The following ABCA13 variants were observed in gnomAD, a reference collection of about 807,000 sequenced individuals.
ABCA13 encodes the protein ATP binding cassette subfamily A member 13, also known as ATP-binding cassette sub-family A member 13.
ABCA13 carries 476 observed loss-of-function variants against 478.7 expected under a neutral mutation model. The ratio of observed to expected loss-of-function variants is 0.99; its 90% confidence interval spans 0.92 to 1.07. ABCA13 has a LOEUF of 1.07. ABCA13 is among the 50% of genes least tolerant of loss of function. The probability of loss-of-function intolerance (pLI) is 0.00; values close to 1 mark genes in which losing one functional copy is unlikely to be tolerated. For synonymous variants in ABCA13, 2,252 were observed against 2,158.9 expected, an observed-to-expected ratio of 1.04 and a Z score of -1.20; for missense variants, 6,060 against 5,910.6, an observed-to-expected ratio of 1.03 and a Z score of -0.83.
chr7:48,227,371 A>T lies in ABCA13; in HGVS notation c.578A>T (p.Asp193Val), dbSNP rs377093766. ...CTGCCGAGACTACACACAAGCCATG[A>T]TCATGTGGAAGATGGCATGGATGTT... is the stretch of plus-strand genomic sequence containing the variant. ...LLLPRLHTSH[D>V]HVEDGMDVAV... The change falls in exon 6 of 62, where the codon GAT (aspartate) becomes GTT (valine). Residue 193 changes from aspartate (D) to valine (V), a missense_variant. Physicochemically the swap from Asp to Val is radical, Grantham distance 152. This residue lies in a region of ABCA13 where 4,423 missense variants were observed against 4,309.1 expected (regional missense o/e 1.03). Transcript: ENST00000435803. 1 of 1,614,042 alleles carries T rather than the reference A, an allele frequency of 6.2e-7. No individual in the cohort carries two copies. Among genetic ancestry groups the T allele is most frequent in the East Asian group, 2.2e-5 (1 of 44,882 alleles).
intron 52 of ABCA13, among the ~76,000 whole-genome samples, chr7:48,518,358 G>C (rs1308214160): frequency 6.6e-6 from 1 of 152,182 alleles, no homozygotes; most frequent in Non-Finnish European, 1.5e-5. Context: ...CTTCCCTGGG[G>C]AGTGGAGTCA....
rs370823905 is a variant in ABCA13, at chr7:48,221,297, C to T, written c.456C>T (p.Ser152=). The T allele has an allele frequency of 1.5e-4, 176 of 1,167,400 alleles. No individual in the cohort carries two copies. In the African/African-American group the frequency reaches 2.4e-3, roughly 16 times the overall value. The allele number at this position is 1,167,400 out of a possible 1,614,324, so 72.3% of individuals were successfully genotyped here. ...TTATTATAGATTCTTCTTATGGTTC[C>T]AGTTTTTTTACAGTAAGTATCTTAA... ...RSNTPDSSYG[S]SFFTMDLNKT... Residue 152 remains serine (S), a synonymous_variant, in exon 5 of 62, where the codon TCC becomes TCT. Coordinates refer to ENST00000435803, the MANE Select transcript of ABCA13 (RefSeq NM_152701.5).
chr7:48,560,206 A>G (rs1017394484), intron 55 of ABCA13, among the ~76,000 whole-genome samples: 1 of 152,146 alleles, frequency 6.6e-6, no homozygotes, highest in African/African-American at 2.4e-5. Flanking sequence ...GCTGGGATGG[A>G]TGACTCCCCT....
Position 48,276,327 on chromosome 7 carries a change from C to G in ABCA13, c.6661C>G (p.Gln2221Glu), listed in dbSNP as rs941460564. The change falls in exon 17 of 62, where the codon CAG (glutamine) becomes GAG (glutamate). Residue 2221 changes from glutamine (Q) to glutamate (E), a missense_variant. Gln to Glu is a conservative substitution (Grantham distance 29). Transcript: ENST00000435803. ...GATCAATAACTTAGCTGGGAATTCT[C>G]AGGAAGCAGCTTGGAACTTAAATGA... ...NLINNLAGNS[Q>E]EAAWNLNDTD... The G allele has an allele frequency of 2.1e-5, 33 of 1,556,304 alleles. 1 individual carries two copies. The Admixed American group carries it at 5.1e-4, about 24-fold the overall frequency.
chr7:48,306,865 A>G (rs1402165525), intron 23 of ABCA13, among the ~76,000 whole-genome samples: 1 of 152,244 alleles, frequency 6.6e-6, no homozygotes, highest in Non-Finnish European at 1.5e-5. Context: ...TTTAGATGAC[A>G]TTAACAGTTA....
chr7:48,233,349 T>C lies in ABCA13; in HGVS notation c.764-669T>C, dbSNP rs1291752649. On this transcript the variant is annotated intron_variant, in intron 7 of 61. Coordinates refer to ENST00000435803, the MANE Select transcript of ABCA13 (RefSeq NM_152701.5). Reference sequence around the variant, plus strand: ...CAAGATTCAAACACACCAAGAAATTTATGTGTTTTTATGTTTGCAGTTGCT... The same window carrying C: ...CAAGATTCAAACACACCAAGAAATTCATGTGTTTTTATGTTTGCAGTTGCT... Among the ~76,000 whole-genome samples, 5 of 152,280 alleles carry C rather than the reference T, an allele frequency of 3.3e-5. No individual in the cohort carries two copies. The East Asian group carries it at 9.6e-4, about 29-fold the overall frequency.
rs201410529 is a variant in ABCA13 at position 48,279,123 on chromosome 7, A to G, written c.7929A>G (p.Thr2643=). The G allele has an allele frequency of 4.3e-4, 690 of 1,609,756 alleles. No individual in the cohort carries two copies. Among genetic ancestry groups the G allele is most frequent in the Non-Finnish European group, 4.8e-4 (567 of 1,178,350 alleles). ...TGGAAGAAATTGCTGAATTTTTAAC[A>G]TCTGTGAAAATGAACTTGGAAGATA... ...DILEEIAEFL[T]SVKMNLEDMR... is the part of the protein sequence containing the mutation. The change falls in exon 18 of 62, where the codon ACA becomes ACG. Residue 2643 remains threonine, a synonymous_variant. Transcript: ENST00000435803.
chr7:48,305,675 G>T (rs1554429868), intron 23 of ABCA13, among the ~76,000 whole-genome samples: 1 of 152,162 alleles, frequency 6.6e-6, no homozygotes, highest in African/African-American at 2.4e-5. Context: ...CTCTGAATGC[G>T]ATTCGGGTTT....
intron 44 of ABCA13, among the ~76,000 whole-genome samples, chr7:48,469,851 C>T (rs1270612570): frequency 2.0e-5 from 3 of 150,852 alleles, no homozygotes; most frequent in Admixed American, 6.6e-5. Flanking sequence ...GCCCAGGAGG[C>T]GGAGGTTGTA....
chr7:48,453,008 T>G (rs1333751091), intron 42 of ABCA13, among the ~76,000 whole-genome samples: 9 of 152,218 alleles, frequency 5.9e-5, no homozygotes, highest in Non-Finnish European at 1.3e-4. Context: ...TGTGTATATA[T>G]ATAGATAGAT....
intron 27 of ABCA13, among the ~76,000 whole-genome samples, chr7:48,318,325 T>G (rs959214620): frequency 6.6e-6 from 1 of 152,040 alleles, no homozygotes; most frequent in African/African-American, 2.4e-5. Flanking sequence ...TTTAAAACAT[T>G]TATATAATTT....
At chr7:48,269,481 G>A (rs1309152657) in intron 16 of ABCA13, among the ~76,000 whole-genome samples, 2 of 152,220 alleles carry the variant, frequency 1.3e-5, no homozygotes, top group African/African-American at 4.8e-5. Context: ...TCCTGGGAGA[G>A]AGAAGTGGTC....
In ABCA13 at chr7:48,195,319, C is replaced by A. The variant is rs1797782956; in HGVS notation, c.163+2267C>A. Among the ~76,000 whole-genome samples, 4 of 152,274 alleles carry A rather than the reference C, an allele frequency of 2.6e-5. No homozygotes were observed. In the South Asian group the frequency reaches 8.3e-4, roughly 32 times the overall value. ...GAGCATTTAGGGGTCACATTCTGGA[C>A]ACTGGAAAAGGCAGAATTTGGGATT... On this transcript the variant is annotated intron_variant, in intron 2 of 61. Coordinates refer to ENST00000435803, the MANE Select transcript of ABCA13 (RefSeq NM_152701.5).
intron 3 of ABCA13, among the ~76,000 whole-genome samples, chr7:48,199,169 T>C (rs1297902644): frequency 6.6e-6 from 1 of 152,222 alleles, no homozygotes; most frequent in Non-Finnish European, 1.5e-5. Context: ...ATCTTTATTT[T>C]CCAACTCTAA....
At chr7:48,567,259 A>G (rs1787164529) in intron 55 of ABCA13, among the ~76,000 whole-genome samples, 1 of 152,152 alleles carries the variant, frequency 6.6e-6, no homozygotes, top group African/African-American at 2.4e-5. Flanking sequence ...GTGTTCGCAG[A>G]GTGCTGTATT....
intron 43 of ABCA13, among the ~76,000 whole-genome samples, chr7:48,455,747 A>T (rs1388633968): frequency 6.6e-6 from 1 of 152,228 alleles, no homozygotes; most frequent in Non-Finnish European, 1.5e-5. Context: ...GGAGAAACGT[A>T]TGACAGCACG....
Position 48,372,593 on chromosome 7 carries a change from G to C in ABCA13, c.11133+96G>C, listed in dbSNP as rs577827984. ...CCCACCACTCTCACTTTTTCAATTT[G>C]TCATGTTCATATCTACATGGGCTTT... On this transcript the variant is annotated intron_variant, in intron 33 of 61. Transcript: ENST00000435803. 181 of 1,047,084 alleles carry C rather than the reference G, an allele frequency of 1.7e-4. 1 individual carries two copies. The highest frequency in any genetic ancestry group is 6.7e-4 in the South Asian group (39 of 58,192). The allele number at this position is 1,047,084 out of a possible 1,614,324, so 64.9% of individuals were successfully genotyped here. A position where few individuals can be genotyped will look rare whatever the true frequency, so the allele number is the denominator to read the frequency against.
At chr7:48,468,878 G>C (rs1827169756) in intron 44 of ABCA13, among the ~76,000 whole-genome samples, 1 of 152,208 alleles carries the variant, frequency 6.6e-6, no homozygotes, top group South Asian at 2.1e-4. Flanking sequence ...AAAATCCACT[G>C]TTGTCTAAAT....
At chr7:48,255,502 T>G (rs929270142) in intron 15 of ABCA13, among the ~76,000 whole-genome samples, 14 of 152,154 alleles carry the variant, frequency 9.2e-5, no homozygotes, top group Non-Finnish European at 1.3e-4. Flanking sequence ...TTGTTGCCAC[T>G]TTTATATTTA....
Sources: gnomAD v4.1 joint callset for allele counts (sites outside exome capture counted in the v4.1 genomes callset) on GRCh38, gnomAD v4.1.1 for gene constraint, gnomAD v4.1.1 regional missense constraint, MANE v1.5 for transcripts, NCBI Gene and HGNC (gene_info 2026-07-23, HGNC 2026-07-21) for gene names.